The following IFT122 variants were observed in gnomAD, a reference collection of about 807,000 sequenced individuals.
IFT122 encodes the protein intraflagellar transport 122.
In IFT122, 118 loss-of-function variants were observed where a neutral mutation model predicts 161.6. The ratio of observed to expected loss-of-function variants is 0.73; its 90% CI spans 0.63 to 0.85. The LOEUF is 0.85. Among genes scored for constraint, IFT122 ranks in the 40% least tolerant of loss-of-function variants. The pLI is 0.00. For missense variants in IFT122, 1,381 were observed against 1,579.6 expected (o/e 0.87, Z 2.13); for synonymous variants, 550 against 602.4 (o/e 0.91, Z 1.27).
intron 12 of IFT122, among the ~76,000 whole-genome samples, chr3:129,478,481 G>T (rs1017153899): frequency 3.9e-5 from 6 of 152,094 alleles, no homozygotes; most frequent in African/African-American, 7.2e-5. Context: ...GACAGACAGG[G>T]TCTTGCTCTG....
rs770863285 is a variant in IFT122 at position 129,517,561 on chromosome 3, C to T, written c.3358C>T (p.Arg1120Trp). ...LIDLEVLRPKRDDRQLEIANN... is the reference protein window; with the variant it reads ...LIDLEVLRPKWDDRQLEIANN... ...CGACCTGGAGGTGCTGAGACCCAAGCGGGATGACAGACAGCTAGAGATTGC... is the reference window on the plus strand; with the variant it reads ...CGACCTGGAGGTGCTGAGACCCAAGTGGGATGACAGACAGCTAGAGATTGC... Residue 1120 changes from arginine to tryptophan, a missense_variant, in exon 27 of 30, where the codon CGG (arginine) becomes TGG (tryptophan). Physicochemically the swap from Arg to Trp is moderately radical, Grantham distance 101. Transcript: ENST00000348417. The T allele has an allele frequency of 6.8e-6, 11 of 1,613,698 alleles. No individual in the cohort carries two copies. In the African/African-American group the frequency reaches 8.0e-5, roughly 12 times the overall value.
chr3:129,489,485 C>G (rs1236477347), intron 16 of IFT122, among the ~76,000 whole-genome samples: 2 of 152,142 alleles, frequency 1.3e-5, no homozygotes, highest in Non-Finnish European at 2.9e-5. Flanking sequence ...TAACAATGAT[C>G]TAGATTATAT....
Position 129,444,432 on chromosome 3 carries a change from T to C in IFT122, c.41+4061T>C, listed in dbSNP as rs943913546. 3.3e-5 allele frequency among the ~76,000 whole-genome samples: 5 copies of C among 152,366 alleles called. No individual in the cohort carries two copies. In the East Asian group the frequency reaches 9.6e-4, roughly 29 times the overall value. ...GCAAACAACTTGCCTCTCTGTACTT[T>C]AGTTTCCTCATTGGTAAAATCGGGG... is the stretch of plus-strand genomic sequence containing the variant. On this transcript the variant is annotated intron_variant, in intron 1 of 29. Transcript: ENST00000348417.
At position 129,517,183 on chromosome 3, in the gene IFT122, G is replaced by C. The variant is rs1332500339; in HGVS notation, c.3266-286G>C. Among the ~76,000 whole-genome samples, 202 of 131,078 alleles carry C rather than the reference G, an allele frequency of 1.5e-3. 1 individual carries two copies. Among genetic ancestry groups the C allele is most frequent in the African/African-American group, 4.3e-3 (139 of 32,700 alleles). The allele number at this position is 131,078 out of a possible 152,430, so 86.0% of individuals were successfully genotyped here. A position where few individuals can be genotyped will look rare whatever the true frequency, so the allele number is the denominator to read the frequency against. ...CGGAGACTGCCTCTGCACACACACAGAGACTGCCCCTACACACACACACAG... is the reference window on the plus strand; with the variant it reads ...CGGAGACTGCCTCTGCACACACACACAGACTGCCCCTACACACACACACAG... On this transcript the variant is annotated intron_variant, in intron 26 of 29. Transcript: ENST00000348417.
intron 16 of IFT122, among the ~76,000 whole-genome samples, chr3:129,489,577 G>A (rs2079778781): frequency 6.6e-6 from 1 of 152,108 alleles, no homozygotes; most frequent in Non-Finnish European, 1.5e-5. Flanking sequence ...GGTGGCTCAC[G>A]CCTGTAAATC....
Position 129,476,666 on chromosome 3 carries a change from G to T in IFT122, c.1012G>T (p.Val338Phe), listed in dbSNP as rs2077985933. The part of the protein sequence containing the change: ...QAKPDSNYVV[V>F]GCQDGTISFY... Reference sequence around the variant, plus strand: ...TGACAGTTCTCTCACCCCGCAGGTGGTCGGCTGCCAGGACGGCACCATTTC... The same window carrying T: ...TGACAGTTCTCTCACCCCGCAGGTGTTCGGCTGCCAGGACGGCACCATTTC... The change falls in exon 11 of 30, where the codon GTC becomes TTC. Residue 338 changes from valine (V) to phenylalanine (F), a missense_variant. Coordinates refer to ENST00000348417, the MANE Select transcript of IFT122 (RefSeq NM_052989.3). 6.2e-7 allele frequency: 1 copy of T among 1,614,094 alleles called. No individual in the cohort carries two copies. Among genetic ancestry groups the T allele is most frequent in the Non-Finnish European group, 8.5e-7 (1 of 1,180,064 alleles).
intron 3 of IFT122, among the ~76,000 whole-genome samples, chr3:129,452,375 A>C (rs954772106): frequency 2.0e-5 from 3 of 151,370 alleles, no homozygotes; most frequent in African/African-American, 7.3e-5. Flanking sequence ...TTATGGAAGA[A>C]GAAAAAGTAG....
At chr3:129,477,621 G>A (rs1343812876) in intron 11 of IFT122, among the ~76,000 whole-genome samples, 1 of 151,736 alleles carries the variant, frequency 6.6e-6, no homozygotes, top group Admixed American at 6.6e-5. Flanking sequence ...AGCCTGGTGT[G>A]TACCAGAAAT....
intron 1 of IFT122, 43 bp from the exon 2 acceptor site, chr3:129,449,828 C>G (rs767393544): frequency 7.3e-7 from 1 of 1,373,884 alleles, no homozygotes; most frequent in Non-Finnish European, 1.0e-6. Flanking sequence ...CAGACTTCAT[C>G]ATTTTGGTTC....
intron 6 of IFT122, among the ~76,000 whole-genome samples, 180 bp from the exon 7 acceptor site, chr3:129,464,455 T>G (rs577890215): frequency 6.6e-6 from 1 of 152,334 alleles, no homozygotes; most frequent in African/African-American, 2.4e-5. Context: ...ATTACAGAAC[T>G]AAATAGCATT....
chr3:129,448,561 C>T (rs1458544297), intron 1 of IFT122, among the ~76,000 whole-genome samples: 1 of 152,146 alleles, frequency 6.6e-6, no homozygotes, highest in Non-Finnish European at 1.5e-5. Flanking sequence ...CTTTACTGTA[C>T]ACGTGGTGAC....
intron 3 of IFT122, 135 bp from the exon 4 acceptor site, chr3:129,458,464 C>T: frequency 1.3e-6 from 1 of 766,354 alleles, no homozygotes; most frequent in Non-Finnish European, 2.3e-6. Context: ...GGTCCTGCCT[C>T]CCAGTACTGA....
In IFT122 at chr3:129,466,755, G is replaced by A. The variant is rs574941223; in HGVS notation, c.564-135G>A. 7 of 804,932 alleles carry A rather than the reference G, an allele frequency of 8.7e-6. No individual in the cohort carries two copies. In the East Asian group the frequency reaches 1.8e-4, roughly 21 times the overall value. 49.9% of individuals were successfully genotyped at this position (804,932 alleles called of 1,614,324 possible). A position where few individuals can be genotyped will look rare whatever the true frequency, so the allele number is the denominator to read the frequency against. ...TGATCTCGAGCGATTCACTTGCCTC[G>A]GCCTCCTGAAGTGCTGGGATTACAG... On this transcript the variant is annotated intron_variant, in intron 7 of 29. Transcript: ENST00000348417.
chr3:129,496,256 G>A (rs994104373), intron 18 of IFT122, among the ~76,000 whole-genome samples: 74 of 152,066 alleles, frequency 4.9e-4, no homozygotes, highest in Non-Finnish European at 9.7e-4. Context: ...GGCAGGTGTA[G>A]GAGAGGAGCT....
At position 129,512,279 on chromosome 3, in the gene IFT122, A is replaced by G. The variant is rs748523897; in HGVS notation, c.2887-33A>G. On this transcript the variant is annotated intron_variant, in intron 23 of 29. Transcript: ENST00000348417. ...CTGGCCCAGCAGCAGCTCTTGAAGA[A>G]CTCAATCCCTGTTTGCTTTTCTCTC... The G allele has an allele frequency of 8.7e-6, 13 of 1,494,698 alleles. No individual in the cohort carries two copies. The Admixed American group carries it at 2.2e-4, about 25-fold the overall frequency. The allele number at this position is 1,494,698 out of a possible 1,614,324, so 92.6% of individuals were successfully genotyped here. A position where few individuals can be genotyped will look rare whatever the true frequency, so the allele number is the denominator to read the frequency against.
rs2083231106 is a variant in IFT122, at chr3:129,514,478, ACAT to A, written c.3079_3081del (p.Ile1027del). ...GCCTATGACAAGCTGCGTGGCCTGT[ACAT>A]CCCTGCCAGATTCCAAAAGTCCATT... On this transcript the variant is annotated inframe_deletion, in exon 25 of 30. Transcript: ENST00000348417. 3 of 1,614,220 alleles carry A rather than the reference ACAT, an allele frequency of 1.9e-6. No homozygotes were observed. Among genetic ancestry groups the A allele is most frequent in the Admixed American group, 3.3e-5 (2 of 60,034 alleles).
In IFT122 at chr3:129,479,869, A is replaced by T; in HGVS notation, c.1435A>T (p.Ile479Phe). ...GTCTCTCATTCGTTACATCAAGGTG[A>T]TCGGTGGCCCTCCTGGAAGAGAAGG... Reference protein sequence around the residue: ...MESLIRYIKVIGGPPGREGLL... With the variant: ...MESLIRYIKVFGGPPGREGLL... The change falls in exon 13 of 30, where the codon ATC becomes TTC. Residue 479 changes from isoleucine to phenylalanine, a missense_variant. Coordinates refer to ENST00000348417, the MANE Select transcript of IFT122 (RefSeq NM_052989.3). 1 of 1,614,006 alleles carries T rather than the reference A, an allele frequency of 6.2e-7. No individual in the cohort carries two copies. The highest frequency in any genetic ancestry group is 1.3e-5 in the African/African-American group (1 of 74,994).
intron 1 of IFT122, among the ~76,000 whole-genome samples, chr3:129,446,355 G>A (rs1430057415): frequency 6.6e-6 from 1 of 151,720 alleles, no homozygotes; most frequent in South Asian, 2.1e-4. Flanking sequence ...CTCCCGTGTA[G>A]CTGGGACTAT....
At chr3:129,452,331 G>T in intron 3 of IFT122, 1 of 323,652 alleles carries the variant, frequency 3.1e-6, no homozygotes, top group African/African-American at 2.2e-5. Flanking sequence ...TAGTAAAAAG[G>T]TAAATTAAGT....
Sources: allele counts gnomAD v4.1 joint callset (sites outside exome capture counted in the v4.1 genomes callset), GRCh38; gene constraint gnomAD v4.1.1; transcripts MANE v1.5; gene names NCBI Gene and HGNC (gene_info 2026-07-23, HGNC 2026-07-21).